DMD: variants seen among roughly 807,000 people sequenced by gnomAD.
DMD encodes dystrophin, also known as mutant dystrophin.
In DMD, 63 loss-of-function variants were observed where a neutral mutation model predicts 330.1. That is an observed-to-expected ratio of 0.19 (90% confidence interval 0.16 to 0.24). The LOEUF (loss-of-function observed/expected upper bound fraction) is 0.24. Ranked by LOEUF, DMD falls within the 10% of genes least tolerant of loss-of-function variation. The pLI is 1.00. For missense variants in DMD, 3,344 were observed against 2,684.1 expected (o/e 1.25, Z -5.43); for synonymous variants, 1,223 against 959.8 (o/e 1.27, Z -5.07).
intron 13 of DMD, among the ~76,000 whole-genome samples, chrX:32,580,011 CTTTTT>C (rs57730410): frequency 1.1e-5 from 1 of 91,145 alleles, no homozygotes; most frequent in Non-Finnish European, 2.2e-5. Context: ...TATTTAATGT[CTTTTT>C]TTTTTTTTTT....
intron 7 of DMD, among the ~76,000 whole-genome samples, chrX:32,779,513 A>G (rs1045852220): frequency 9.1e-6 from 1 of 109,635 alleles, no homozygotes; most frequent in African/African-American, 3.3e-5. Context: ...TTATTTTTAG[A>G]TTTTACAGAT....
chrX:31,915,505 AT>A (rs1197464162), intron 47 of DMD, among the ~76,000 whole-genome samples: 2 of 111,747 alleles, frequency 1.8e-5, no homozygotes, highest in African/African-American at 6.5e-5. Context: ...TGCATTTGTA[AT>A]TATATAATCC....
chrX:32,731,562 T>C (rs959419130), intron 7 of DMD, among the ~76,000 whole-genome samples: 1 of 112,082 alleles, frequency 8.9e-6, no homozygotes, highest in African/African-American at 3.3e-5. Context: ...CAGCTGGAGA[T>C]CTGAGAAGGG....
chrX:32,155,301 A>G (rs1851923178), intron 44 of DMD: 1 of 531,884 alleles, frequency 1.9e-6, no homozygotes. Flanking sequence ...AGACCCACAG[A>G]AGAGCACTTT....
At chrX:32,860,231 C>T (rs760133723) in intron 2 of DMD, among the ~76,000 whole-genome samples, 7 of 111,704 alleles carry the variant, frequency 6.3e-5, no homozygotes, top group East Asian at 5.7e-4. Flanking sequence ...AAAGGAAATG[C>T]ATTTGTGAAG....
intron 61 of DMD, among the ~76,000 whole-genome samples, chrX:31,335,513 C>T (rs768874544): frequency 3.6e-5 from 4 of 112,178 alleles, no homozygotes; most frequent in Non-Finnish European, 7.5e-5. Context: ...GACCATCTTA[C>T]GTTCTAACTC....
chrX:31,761,965 T>A (rs933075774), intron 51 of DMD, among the ~76,000 whole-genome samples: 4 of 112,423 alleles, frequency 3.6e-5, no homozygotes, highest in African/African-American at 1.3e-4. Flanking sequence ...CTGTTCAGAC[T>A]AGCAAGGTTT....
chrX:32,690,028 C>G (rs1405540911), intron 9 of DMD, among the ~76,000 whole-genome samples: 2 of 108,869 alleles, frequency 1.8e-5, no homozygotes, highest in Admixed American at 2.0e-4. Context: ...CTTGCCACTT[C>G]TACCGATGGC....
At chrX:33,261,017 A>T (rs145228100) in intron 1 of DMD, among the ~76,000 whole-genome samples, 1,533 of 111,661 alleles carry the variant, frequency 0.014, 26 homozygotes, top group African/African-American at 0.047. Flanking sequence ...TAATATAGAT[A>T]CATAAAAACA....
chrX:31,909,362 A>G (rs1344591872), intron 47 of DMD, among the ~76,000 whole-genome samples: 1 of 111,105 alleles, frequency 9.0e-6, no homozygotes, highest in African/African-American at 3.3e-5. Flanking sequence ...TCTTTCCTGG[A>G]TGCTTTGGGA....
intron 2 of DMD, among the ~76,000 whole-genome samples, chrX:32,980,671 A>C (rs2092686089): frequency 9.0e-6 from 1 of 110,650 alleles, no homozygotes; most frequent in South Asian, 3.8e-4. Context: ...GAATCATAAT[A>C]TTTTTCATTT....
chrX:31,512,934 C>A (rs1037558142), intron 55 of DMD, among the ~76,000 whole-genome samples: 1 of 108,074 alleles, frequency 9.3e-6, no homozygotes, highest in Non-Finnish European at 1.9e-5. Flanking sequence ...GCAGTATGGC[C>A]ATTTTCACAA....
intron 2 of DMD, among the ~76,000 whole-genome samples, chrX:32,851,830 A>G (rs995454849): frequency 8.9e-6 from 1 of 111,911 alleles, no homozygotes; most frequent in Non-Finnish European, 1.9e-5. Flanking sequence ...GGCAGAATTC[A>G]TCAAGCGCAC....
chrX:32,519,804 G>C (rs1203167708), intron 17 of DMD, among the ~76,000 whole-genome samples: 1 of 111,888 alleles, frequency 8.9e-6, no homozygotes, highest in Non-Finnish European at 1.9e-5. Context: ...CACATTTGTT[G>C]CAGGCTATTG....
At chrX:33,001,006 T>A (rs1451942446) in intron 2 of DMD, among the ~76,000 whole-genome samples, 2 of 111,548 alleles carry the variant, frequency 1.8e-5, no homozygotes, top group African/African-American at 3.3e-5. Flanking sequence ...AATTATTCCA[T>A]TGTTTATTAT....
rs1019200210 is a variant in DMD, at chrX:32,990,925, T to C, written c.93+29214A>G. On this transcript the variant is annotated intron_variant, in intron 2 of 78. Coordinates refer to ENST00000357033, the MANE Select transcript of DMD (RefSeq NM_004006.3). ...TATCTTGATTCCATATACCAAGCTT[T>C]ATCCTAGAAAAGGTTGGGATTACTG... Among the ~76,000 whole-genome samples the C allele has an allele frequency of 3.6e-5, 4 of 111,402 alleles. No homozygotes were observed. In the Admixed American group the frequency reaches 3.8e-4, roughly 11 times the overall value.
intron 1 of DMD, among the ~76,000 whole-genome samples, chrX:33,295,396 T>C (rs1276478659): frequency 1.8e-5 from 2 of 110,734 alleles, no homozygotes; most frequent in Non-Finnish European, 3.8e-5. Flanking sequence ...CTAAGAATCA[T>C]AGCTTGAGTT....
chrX:32,347,368 C>G (rs992836200), intron 38 of DMD, among the ~76,000 whole-genome samples: 1 of 111,273 alleles, frequency 9.0e-6, no homozygotes, highest in African/African-American at 3.3e-5. Context: ...TGGGGTCAGC[C>G]CAAGAGGTAA....
intron 13 of DMD, 46 bp downstream of exon 13, chrX:32,595,711 G>A (rs778062276): frequency 3.4e-6 from 4 of 1,167,097 alleles, no homozygotes; most frequent in East Asian, 3.0e-5. Context: ...TCAAGTTATA[G>A]TTCTTTTAAA....
Sources: gnomAD v4.1 joint callset for allele counts (sites outside exome capture counted in the v4.1 genomes callset) on GRCh38, gnomAD v4.1.1 for gene constraint, MANE v1.5 for transcripts, NCBI Gene and HGNC (gene_info 2026-07-23, HGNC 2026-07-21) for gene names.